The following GALC variants were observed in gnomAD, a reference collection of about 807,000 sequenced individuals.
GALC encodes galactosylceramidase, also known as galactocerebrosidase.
In GALC, 77 loss-of-function variants were observed where a neutral mutation model predicts 91.8. The ratio of observed to expected loss-of-function variants is 0.84; its 90% CI spans 0.70 to 1.01. The LOEUF (loss-of-function observed/expected upper bound fraction) is 1.01, where lower values mean the gene tolerates loss of function less well. Ranked by LOEUF, GALC falls within the 50% of genes least tolerant of loss-of-function variation. The pLI, the probability that GALC is intolerant of heterozygous loss-of-function variation, is 0.00. For synonymous variants in GALC, 357 were observed against 306.7 expected, an observed-to-expected ratio of 1.16 and a Z score of -1.71; for missense variants, 882 against 855.9, an observed-to-expected ratio of 1.03 and a Z score of -0.38.
chr14:87,986,053 A>G (rs1886956244), intron 4 of GALC, among the ~76,000 whole-genome samples: 1 of 152,250 alleles, frequency 6.6e-6, no homozygotes, highest in Non-Finnish European at 1.5e-5. Flanking sequence ...TTTTGTAACT[A>G]GTTAGGTGTA....
intron 16 of GALC, 94 bp from the exon 17 acceptor site, chr14:87,934,972 C>T (rs1335135928): frequency 1.2e-6 from 1 of 863,946 alleles, no homozygotes; most frequent in African/African-American, 1.7e-5. Flanking sequence ...CTTAGTGGAG[C>T]AAATGTACTA....
In GALC at chr14:87,936,920, A is replaced by ATATATT. The variant is rs1257801348; in HGVS notation, c.1912-2043_1912-2042insAATATA. On this transcript the variant is annotated intron_variant, in intron 16 of 16. Coordinates refer to ENST00000261304, the MANE Select transcript of GALC (RefSeq NM_000153.4). ...ACTATATATATATATATATTTATTT[A>ATATATT]TTTTCTCATTGAATCTTCATAAGAA... Among the ~76,000 whole-genome samples, 22 of 141,396 alleles carry ATATATT rather than the reference A, an allele frequency of 1.6e-4. 2 individuals carry two copies. The highest frequency in any genetic ancestry group is 5.9e-4 in the African/African-American group (22 of 37,028). 92.8% of individuals were successfully genotyped at this position (141,396 alleles called of 152,430 possible).
Position 87,933,727 on chromosome 14 carries a change from T to TA in GALC, c.*1004dup. 2 of 452,764 alleles carry TA rather than the reference T, an allele frequency of 4.4e-6. No individual in the cohort carries two copies. 28.0% of individuals were successfully genotyped at this position (452,764 alleles called of 1,614,324 possible). A position where few individuals can be genotyped will look rare whatever the true frequency, so the allele number is the denominator to read the frequency against. On this transcript the variant is annotated 3_prime_UTR_variant, in exon 17 of 17. Coordinates refer to ENST00000261304, the MANE Select transcript of GALC (RefSeq NM_000153.4). ...CCACATTAATGCTTAGTATAAATCA[T>TA]ACAACATGATGAACACGCTCACGTA...
At chr14:87,986,100 AC>A (rs1463061615) in intron 4 of GALC, among the ~76,000 whole-genome samples, 1 of 152,214 alleles carries the variant, frequency 6.6e-6, no homozygotes, top group African/African-American at 2.4e-5. Flanking sequence ...GAACAGTGTT[AC>A]CCTTTTATAA....
At chr14:87,973,150 G>A (rs1370263956) in intron 7 of GALC, among the ~76,000 whole-genome samples, 1 of 152,084 alleles carries the variant, frequency 6.6e-6, no homozygotes, top group Non-Finnish European at 1.5e-5. Flanking sequence ...ATTAAAAAAG[G>A]ATTATATCCA....
Position 87,987,056 on chromosome 14 carries a change from T to C in GALC, c.329-454A>G, listed in dbSNP as rs192574671. ...ACCCACACCTTTAGCCTATAATATG[T>C]CTTGATATAGGAAGAGTTTTGAGGA... On this transcript the variant is annotated intron_variant, in intron 3 of 16. Transcript: ENST00000261304. 1.4e-4 allele frequency: 65 copies of C among 455,316 alleles called. No homozygotes were observed. The East Asian group carries it at 3.6e-3, about 25-fold the overall frequency. 28.2% of individuals were successfully genotyped at this position (455,316 alleles called of 1,614,324 possible).
intron 6 of GALC, among the ~76,000 whole-genome samples, chr14:87,981,777 A>T (rs1886758238): frequency 6.6e-6 from 1 of 152,124 alleles, no homozygotes; most frequent in Non-Finnish European, 1.5e-5. Context: ...GCTAATCACA[A>T]AGAGAAACAT....
At chr14:87,939,851 G>C (rs1884759686) in intron 16 of GALC, 54 bp downstream of exon 16, 1 of 1,162,520 alleles carries the variant, frequency 8.6e-7, no homozygotes, top group African/African-American at 1.5e-5. Context: ...GAAAATTATA[G>C]AAATGCACAA....
intron 12 of GALC, among the ~76,000 whole-genome samples, chr14:87,948,663 G>T (rs1253176842): frequency 8.1e-6 from 1 of 123,370 alleles, no homozygotes; most frequent in Admixed American, 9.0e-5. Flanking sequence ...GTAAATTGAT[G>T]ATCAGATCTA....
chr14:87,979,395 CAAAGT>C lies in GALC; in HGVS notation c.621+2805_621+2809del, dbSNP rs1886644973. 3.3e-5 allele frequency among the ~76,000 whole-genome samples: 5 copies of C among 152,122 alleles called. 1 individual carries two copies. The South Asian group carries it at 8.3e-4, about 25-fold the overall frequency. The stretch of plus-strand genomic sequence containing the variant: ...TCTTGCTGGAAAAAAATGGCAAACA[CAAAGT>C]AAAAAGTTTTTGTATCCTGAGAGAT... On this transcript the variant is annotated intron_variant, in intron 6 of 16. Coordinates refer to ENST00000261304, the MANE Select transcript of GALC (RefSeq NM_000153.4).
At position 87,955,188 on chromosome 14, in the gene GALC, C is replaced by T. The variant is rs545117900; in HGVS notation, c.1162-4440G>A. On this transcript the variant is annotated intron_variant, in intron 10 of 16. Coordinates refer to ENST00000261304, the MANE Select transcript of GALC (RefSeq NM_000153.4). ...ATCCTGACACTGTAAAGCATGGAGC[C>T]GATGCCCTTTTCTGAGGCCAGAGGA... 1.1e-5 allele frequency: 14 copies of T among 1,236,784 alleles called. 1 individual carries two copies. Among genetic ancestry groups the T allele is most frequent in the African/African-American group, 2.9e-5 (2 of 68,216 alleles). 76.6% of individuals were successfully genotyped at this position (1,236,784 alleles called of 1,614,324 possible). A position where few individuals can be genotyped will look rare whatever the true frequency, so the allele number is the denominator to read the frequency against.
chr14:87,953,359 T>A, intron 10 of GALC: 2 of 1,418,192 alleles, frequency 1.4e-6, no homozygotes, highest in South Asian at 1.2e-5. Context: ...TGAAGAGAAT[T>A]CCATTCAACT....
intron 16 of GALC, among the ~76,000 whole-genome samples, chr14:87,937,271 T>G (rs1023384995): frequency 1.7e-5 from 1 of 58,358 alleles, no homozygotes; most frequent in African/African-American, 5.3e-5. Flanking sequence ...TCCCTGCTCT[T>G]ATGGAGCTTA....
intron 10 of GALC, among the ~76,000 whole-genome samples, chr14:87,960,394 G>T (rs895780944): frequency 1.3e-5 from 2 of 152,134 alleles, no homozygotes; most frequent in African/African-American, 2.4e-5. Flanking sequence ...TTACAAAACA[G>T]CTAGAAGAGA....
At chr14:87,958,711 A>C (rs1885668168) in intron 10 of GALC, among the ~76,000 whole-genome samples, 1 of 152,126 alleles carries the variant, frequency 6.6e-6, no homozygotes, top group African/African-American at 2.4e-5. Flanking sequence ...TGACCAACTA[A>C]TTTTCAACAA....
intron 15 of GALC, 68 bp from the exon 16 acceptor site, chr14:87,940,049 A>T: frequency 2.3e-6 from 3 of 1,288,774 alleles, no homozygotes; most frequent in Non-Finnish European, 3.4e-6. Flanking sequence ...CATATAATTC[A>T]GTGGGGTTCT....
Position 87,934,982 on chromosome 14 carries a change from AC to A in GALC, c.1912-105del, listed in dbSNP as rs1370856749. On this transcript the variant is annotated intron_variant, in intron 16 of 16. Transcript: ENST00000261304. ...CACTACTTAGTGGAGCAAATGTACTACTCACTCAAGACTTAACCACAGCAAA... is the reference window on the plus strand; with the variant it reads ...CACTACTTAGTGGAGCAAATGTACTATCACTCAAGACTTAACCACAGCAAA... 6 of 817,530 alleles carry A rather than the reference AC, an allele frequency of 7.3e-6. No homozygotes were observed. The Admixed American group carries it at 1.1e-4, about 15-fold the overall frequency. The allele number at this position is 817,530 out of a possible 1,614,324, so 50.6% of individuals were successfully genotyped here.
intron 8 of GALC, among the ~76,000 whole-genome samples, chr14:87,966,551 T>C (rs977226694): frequency 6.6e-6 from 1 of 152,190 alleles, no homozygotes. Flanking sequence ...TCTAATTCTA[T>C]CAGTACAAAG....
rs1210612295 is a variant in GALC at position 87,939,957 on chromosome 14, C to G, written c.1859G>C (p.Gly620Ala). 9.9e-6 allele frequency: 16 copies of G among 1,610,428 alleles called. No homozygotes were observed. The highest frequency in any genetic ancestry group is 1.3e-5 in the Non-Finnish European group (15 of 1,177,420). Residue 620 changes from glycine to alanine, a missense_variant, in exon 16 of 17, where the codon GGA (glycine) becomes GCA (alanine). Physicochemically the swap from Gly to Ala is moderately conservative, Grantham distance 60 (BLOSUM62 0). Coordinates refer to ENST00000261304, the MANE Select transcript of GALC (RefSeq NM_000153.4). ...TTTTTTTGCTGTAACTTCAACACGT[C>G]CTAAAGCATATATAATCCATCCAGC... ...DLAGWIIYAL[G>A]RVEVTAKKWY...
Sources: gnomAD v4.1 joint callset for allele counts (sites outside exome capture counted in the v4.1 genomes callset) on GRCh38, gnomAD v4.1.1 for gene constraint, MANE v1.5 for transcripts, NCBI Gene and HGNC (gene_info 2026-07-23, HGNC 2026-07-21) for gene names.